The following C1QTNF4 variants were observed in gnomAD, a reference collection of about 807,000 sequenced individuals.
The protein encoded by C1QTNF4 is complement C1q tumor necrosis factor-related protein 4.
A neutral mutation model predicts 14.6 loss-of-function variants in C1QTNF4; 12 were observed. The ratio of observed to expected loss-of-function variants is 0.82; its 90% CI spans 0.53 to 1.33. The LOEUF (loss-of-function observed/expected upper bound fraction) is 1.33, where lower values mean the gene tolerates loss of function less well. C1QTNF4 is among the 40% of genes most tolerant of loss of function. The pLI is 0.00. For missense variants in C1QTNF4, 558 were observed against 500.3 expected (o/e 1.12, Z -1.10); for synonymous variants, 278 against 246.6 (o/e 1.13, Z -1.19).
Position 47,590,655 on chromosome 11 carries a change from C to T in C1QTNF4, c.156G>A (p.Lys52=), listed in dbSNP as rs1432426070. Residue 52 remains lysine (K), a synonymous_variant, in exon 2 of 2, where the codon AAG becomes AAA. Transcript: ENST00000302514. The stretch of plus-strand genomic sequence containing the variant: ...AGTCGCCCCCGATGTTCACGTACAC[C>T]TTGTCGAAGGTCACCGCCATCTCCG... ...GTSEMAVTFD[K]VYVNIGGDFD... 3.7e-6 allele frequency: 6 copies of T among 1,611,542 alleles called. No homozygotes were observed. The highest frequency in any genetic ancestry group is 4.5e-5 in the East Asian group (2 of 44,782).
intron 1 of C1QTNF4, among the ~76,000 whole-genome samples, chr11:47,593,913 T>C (rs2097276740): frequency 6.6e-6 from 1 of 151,814 alleles, no homozygotes; most frequent in African/African-American, 2.4e-5. Context: ...GAAGTCCCAC[T>C]TTCACAGAAG....
rs147649645 is a variant in C1QTNF4 at position 47,590,073 on chromosome 11, C to A, written c.738G>T (p.Lys246Asn). Residue 246 changes from lysine (K) to asparagine (N), a missense_variant, in exon 2 of 2, where the codon AAG (lysine) becomes AAT (asparagine). Transcript: ENST00000302514. ...GKLPRKTLSVKLMKNRDEVQA... is the reference protein window; with the variant it reads ...GKLPRKTLSVNLMKNRDEVQA... ...GCACCTCGTCGCGGTTCTTCATCAGCTTAACCGACAGCGTCTTACGCGGCA... is the reference window on the plus strand; with the variant it reads ...GCACCTCGTCGCGGTTCTTCATCAGATTAACCGACAGCGTCTTACGCGGCA... The A allele has an allele frequency of 2.4e-5, 38 of 1,612,658 alleles. No individual in the cohort carries two copies. The Admixed American group carries it at 2.5e-4, about 11-fold the overall frequency.
At chr11:47,593,865 C>T (rs565421293) in intron 1 of C1QTNF4, among the ~76,000 whole-genome samples, 4 of 152,136 alleles carry the variant, frequency 2.6e-5, no homozygotes, top group African/African-American at 7.2e-5. Context: ...GCCAGAGCCC[C>T]CTCCCCAACC....
At chr11:47,593,425 T>C (rs1406060203) in intron 1 of C1QTNF4, among the ~76,000 whole-genome samples, 1 of 152,190 alleles carries the variant, frequency 6.6e-6, no homozygotes, top group East Asian at 1.9e-4. Flanking sequence ...AGCTTTTCCA[T>C]ACCGCTGCTT....
intron 1 of C1QTNF4, among the ~76,000 whole-genome samples, 163 bp downstream of exon 1, chr11:47,593,985 A>G (rs953256120): frequency 1.3e-5 from 2 of 151,682 alleles, no homozygotes; most frequent in Non-Finnish European, 2.9e-5. Flanking sequence ...CCTTCCCTCC[A>G]TCCATCCATC....
intron 1 of C1QTNF4, among the ~76,000 whole-genome samples, chr11:47,591,265 A>T (rs1434894889): frequency 1.3e-5 from 2 of 152,046 alleles, no homozygotes; most frequent in Admixed American, 1.3e-4. Flanking sequence ...TCTTTAGTAG[A>T]GACGGGGTTT....
Position 47,590,636 on chromosome 11 carries a change from C to A in C1QTNF4, c.175G>T (p.Gly59Cys), listed in dbSNP as rs1285651976. The change falls in exon 2 of 2, where the codon GGC becomes TGC. Residue 59 changes from glycine (G) to cysteine (C), a missense_variant. By Grantham distance (159) the Gly-to-Cys change is radical. Coordinates refer to ENST00000302514, the MANE Select transcript of C1QTNF4 (RefSeq NM_031909.3). ...TGGCCGGTGGCCACATCGAAGTCGCCCCCGATGTTCACGTACACCTTGTCG... is the reference window on the plus strand; with the variant it reads ...TGGCCGGTGGCCACATCGAAGTCGCACCCGATGTTCACGTACACCTTGTCG... ...TFDKVYVNIG[G>C]DFDVATGQFR... 5 of 1,611,424 alleles carry A rather than the reference C, an allele frequency of 3.1e-6. No homozygotes were observed. Among genetic ancestry groups the A allele is most frequent in the Middle Eastern group, 1.7e-4 (1 of 6,056 alleles).
chr11:47,592,591 C>T (rs1247877456), intron 1 of C1QTNF4, among the ~76,000 whole-genome samples: 1 of 152,154 alleles, frequency 6.6e-6, no homozygotes, highest in Non-Finnish European at 1.5e-5. Flanking sequence ...GTAGGGATTC[C>T]ATCCTGCTTC....
rs753350563 is a variant in C1QTNF4 at position 47,590,625 on chromosome 11, A to T, written c.186T>A (p.Asp62Glu). The T allele has an allele frequency of 1.2e-6, 2 of 1,610,608 alleles. No individual in the cohort carries two copies. The highest frequency in any genetic ancestry group is 2.7e-5 in the African/African-American group (2 of 74,926). Residue 62 changes from aspartate (D) to glutamate (E), a missense_variant, in exon 2 of 2, where the codon GAT becomes GAA. Coordinates refer to ENST00000302514, the MANE Select transcript of C1QTNF4 (RefSeq NM_031909.3). Reference sequence around the variant, plus strand: ...GGCAGCGAAACTGGCCGGTGGCCACATCGAAGTCGCCCCCGATGTTCACGT... The same window carrying T: ...GGCAGCGAAACTGGCCGGTGGCCACTTCGAAGTCGCCCCCGATGTTCACGT... ...KVYVNIGGDF[D>E]VATGQFRCRV... is the part of the protein sequence containing the mutation.
rs927550501 is a variant in C1QTNF4, at chr11:47,590,122, A to T, written c.689T>A (p.Phe230Tyr). 1 of 1,611,114 alleles carries T rather than the reference A, an allele frequency of 6.2e-7. No homozygotes were observed. Among genetic ancestry groups the T allele is most frequent in the African/African-American group, 1.3e-5 (1 of 74,908 alleles). Residue 230 changes from phenylalanine to tyrosine, a missense_variant, in exon 2 of 2, where the codon TTC becomes TAC. By Grantham distance (22) the Phe-to-Tyr change is conservative. Coordinates refer to ENST00000302514, the MANE Select transcript of C1QTNF4 (RefSeq NM_031909.3). ...VFRCRLPGAYFFSFTLGKLPR... is the reference protein window; with the variant it reads ...VFRCRLPGAYYFSFTLGKLPR... ...CAGCTTGCCCAGCGTGAAGGAGAAG[A>T]AGTAGGCGCCGGGCAGACGGCAGCG... is the stretch of plus-strand genomic sequence containing the variant.
chr11:47,590,364 G>A lies in C1QTNF4; in HGVS notation c.447C>T (p.Ala149=). ...CGTAGACTAGGTAGCCGCTGAAGGT[G>A]GCGCCGGGCGCGCCTAGCGCGTACT... ...APQYALGAPG[A]TFSGYLVYAD... Residue 149 remains alanine (A), a synonymous_variant, in exon 2 of 2, where the codon GCC becomes GCT. Transcript: ENST00000302514. 7.3e-7 allele frequency: 1 copy of A among 1,379,214 alleles called. No individual in the cohort carries two copies. Among genetic ancestry groups the A allele is most frequent in the Non-Finnish European group, 9.3e-7 (1 of 1,075,412 alleles). 85.4% of individuals were successfully genotyped at this position (1,379,214 alleles called of 1,614,324 possible). A position where few individuals can be genotyped will look rare whatever the true frequency, so the allele number is the denominator to read the frequency against.
chr11:47,590,169 G>C lies in C1QTNF4; in HGVS notation c.642C>G (p.Phe214Leu). The C allele has an allele frequency of 6.2e-7, 1 of 1,601,126 alleles. No homozygotes were observed. The highest frequency in any genetic ancestry group is 8.5e-7 in the Non-Finnish European group (1 of 1,176,006). Residue 214 changes from phenylalanine to leucine, a missense_variant, in exon 2 of 2, where the codon TTC becomes TTG. Transcript: ENST00000302514. ...AGCGGAACACGCCGGCCGCCGCGTC[G>C]AAGTCGCCGCCAATGTTGACGAACT... ...DTEFVNIGGDFDAAAGVFRCR... is the reference protein window; with the variant it reads ...DTEFVNIGGDLDAAAGVFRCR...
chr11:47,592,918 G>A (rs1335379641), intron 1 of C1QTNF4, among the ~76,000 whole-genome samples: 1 of 152,182 alleles, frequency 6.6e-6, no homozygotes, highest in Non-Finnish European at 1.5e-5. Context: ...TCCTTCCAGA[G>A]GAGGTGCTTT....
chr11:47,594,969 G>T (rs763439951), upstream of C1QTNF4, among the ~76,000 whole-genome samples: 7 of 152,138 alleles, frequency 4.6e-5, no homozygotes, highest in Non-Finnish European at 1.0e-4. Context: ...GTAAGGAGGA[G>T]AGTCCTTGGG....
At position 47,590,294 on chromosome 11, in the gene C1QTNF4, G is replaced by T; in HGVS notation, c.517C>A (p.Pro173Thr). Residue 173 changes from proline to threonine, a missense_variant, in exon 2 of 2, where the codon CCC (proline) becomes ACC (threonine). Transcript: ENST00000302514. ...GCCGAGAAGGCCGAGCGCGGCTCGG[G>T]GGGCGCGGGCGGCCCGCGCGCAGGC... is the stretch of plus-strand genomic sequence containing the variant. ...DAPARGPPAP[P>T]EPRSAFSAAR... The T allele has an allele frequency of 8.6e-7, 1 of 1,166,026 alleles. No individual in the cohort carries two copies. The highest frequency in any genetic ancestry group is 3.1e-5 in the South Asian group (1 of 32,618). 72.2% of individuals were successfully genotyped at this position (1,166,026 alleles called of 1,614,324 possible).
intron 1 of C1QTNF4, among the ~76,000 whole-genome samples, chr11:47,591,691 A>T (rs1021039345): frequency 6.6e-6 from 1 of 152,150 alleles, no homozygotes; most frequent in Non-Finnish European, 1.5e-5. Context: ...CCCGGCCGAA[A>T]CCCCTTTCTT....
Position 47,589,768 on chromosome 11 carries a change from C to G in C1QTNF4, c.*53G>C. ...CGCGCGGGACTTTCGAGCCTCCGGCCCGGCCTGGCATGCACGCCCCTGGCC... is the reference window on the plus strand; with the variant it reads ...CGCGCGGGACTTTCGAGCCTCCGGCGCGGCCTGGCATGCACGCCCCTGGCC... On this transcript the variant is annotated 3_prime_UTR_variant, in exon 2 of 2. Coordinates refer to ENST00000302514, the MANE Select transcript of C1QTNF4 (RefSeq NM_031909.3). The G allele has an allele frequency of 7.0e-7, 1 of 1,423,334 alleles. No individual in the cohort carries two copies. 88.2% of individuals were successfully genotyped at this position (1,423,334 alleles called of 1,614,324 possible). A position where few individuals can be genotyped will look rare whatever the true frequency, so the allele number is the denominator to read the frequency against.
At position 47,590,268 on chromosome 11, in the gene C1QTNF4, C is replaced by A; in HGVS notation, c.543G>T (p.Ala181=). Residue 181 remains alanine, a synonymous_variant, in exon 2 of 2, where the codon GCG becomes GCT. Transcript: ENST00000302514. ...APPEPRSAFS[A]ARTRSLVGSD... ...AGCCCACCAAGCTGCGCGTGCGCGC[C>A]GCCGAGAAGGCCGAGCGCGGCTCGG... is the stretch of plus-strand genomic sequence containing the variant. The A allele has an allele frequency of 7.4e-7, 1 of 1,358,270 alleles. No individual in the cohort carries two copies. Among genetic ancestry groups the A allele is most frequent in the Non-Finnish European group, 9.4e-7 (1 of 1,060,262 alleles). The allele number at this position is 1,358,270 out of a possible 1,614,324, so 84.1% of individuals were successfully genotyped here.
At chr11:47,595,152 T>C (rs1053189406), upstream of C1QTNF4, among the ~76,000 whole-genome samples, 1 of 152,182 alleles carries the variant, frequency 6.6e-6, no homozygotes, top group Non-Finnish European at 1.5e-5. Context: ...GGTCTTCCCA[T>C]GGTAATACTC....
Sources: gnomAD v4.1 joint callset for allele counts (sites outside exome capture counted in the v4.1 genomes callset) on GRCh38, gnomAD v4.1.1 for gene constraint, MANE v1.5 for transcripts, NCBI Gene and HGNC (gene_info 2026-07-23, HGNC 2026-07-21) for gene names.